WWOX: variants seen among roughly 807,000 people sequenced by gnomAD.
WWOX encodes the protein WW domain containing oxidoreductase.
A neutral mutation model predicts 46.2 loss-of-function variants in WWOX; 69 were observed. That is an observed-to-expected ratio of 1.49 (90% confidence interval 1.23 to 1.82). The LOEUF is 1.82. Ranked by LOEUF, WWOX falls within the 40% of genes most tolerant of loss-of-function variation. The pLI is 0.00. For synonymous variants in WWOX, 359 were observed against 202.6 expected (o/e 1.77, Z -6.56); for missense variants, 919 against 542.6 (o/e 1.69, Z -6.89).
chr16:79,096,123 C>G (rs893719736), intron 8 of WWOX, among the ~76,000 whole-genome samples: 1 of 149,668 alleles, frequency 6.7e-6, no homozygotes, highest in African/African-American at 2.5e-5. Flanking sequence ...CTGCCTCGGT[C>G]TCCCAAAGTG....
intron 8 of WWOX, among the ~76,000 whole-genome samples, chr16:78,965,189 C>G (rs894701177): frequency 6.6e-6 from 1 of 152,210 alleles, no homozygotes; most frequent in East Asian, 1.9e-4. Flanking sequence ...GCTCTTTAAA[C>G]CTCATATGTT....
Position 78,975,483 on chromosome 16 carries a change from C to A in WWOX, c.1057-236125C>A, listed in dbSNP as rs74032470. Among the ~76,000 whole-genome samples, 643 of 151,886 alleles carry A rather than the reference C, an allele frequency of 4.2e-3. 5 individuals carry two copies. The highest frequency in any genetic ancestry group is 0.014 in the African/African-American group (588 of 41,398). Reference sequence around the variant, plus strand: ...CTTTTTTTTTTTTTCATTATGGCCCCCTCCCCCAGGAGCCTTTTGAGATAC... The same window carrying A: ...CTTTTTTTTTTTTTCATTATGGCCCACTCCCCCAGGAGCCTTTTGAGATAC... On this transcript the variant is annotated intron_variant, in intron 8 of 8. Transcript: ENST00000566780.
At chr16:78,668,880 C>A (rs1473438247) in intron 8 of WWOX, among the ~76,000 whole-genome samples, 5 of 152,142 alleles carry the variant, frequency 3.3e-5, no homozygotes, top group Non-Finnish European at 5.9e-5. Context: ...AACTCCCTGG[C>A]AGGTTCTCTT....
intron 8 of WWOX, among the ~76,000 whole-genome samples, chr16:78,451,521 G>C (rs1191282321): frequency 6.6e-6 from 1 of 152,118 alleles, no homozygotes; most frequent in African/African-American, 2.4e-5. Context: ...AACCAGCCTG[G>C]AATGAATCCC....
At chr16:78,575,044 T>TTTAAAGATGTC (rs2044831683) in intron 8 of WWOX, among the ~76,000 whole-genome samples, 1 of 6,768 alleles carries the variant, frequency 1.5e-4, no homozygotes, top group Non-Finnish European at 2.8e-4. Context: ...TATATATATA[T>TTTAAAGATGTC]ATATATATAT....
At chr16:78,467,125 C>G (rs956556179) in intron 8 of WWOX, among the ~76,000 whole-genome samples, 1 of 152,202 alleles carries the variant, frequency 6.6e-6, no homozygotes, top group African/African-American at 2.4e-5. Context: ...AGTCTTTGAT[C>G]TTGTCATGAA....
chr16:78,486,394 C>G (rs143840127), intron 8 of WWOX, among the ~76,000 whole-genome samples: 8 of 152,150 alleles, frequency 5.3e-5, no homozygotes, highest in African/African-American at 1.9e-4. Flanking sequence ...GTATGTTTTA[C>G]CTTTTTAATA....
intron 8 of WWOX, among the ~76,000 whole-genome samples, chr16:79,210,565 C>T (rs1425950537): frequency 6.6e-6 from 1 of 152,144 alleles, no homozygotes; most frequent in African/African-American, 2.4e-5. Flanking sequence ...CTCTTGCAAC[C>T]CCTCTCCCTC....
intron 4 of WWOX, among the ~76,000 whole-genome samples, chr16:78,116,923 C>T (rs2032825840): frequency 6.6e-6 from 1 of 152,184 alleles, no homozygotes; most frequent in African/African-American, 2.4e-5. Flanking sequence ...ATAGCAGACT[C>T]TTGAATAGAG....
intron 8 of WWOX, among the ~76,000 whole-genome samples, chr16:78,834,890 A>T (rs2051935228): frequency 1.3e-5 from 2 of 152,154 alleles, no homozygotes; most frequent in South Asian, 4.1e-4. Flanking sequence ...ACTGTTTGTA[A>T]TAATCATGCG....
intron 8 of WWOX, among the ~76,000 whole-genome samples, chr16:78,822,710 A>C (rs1239667216): frequency 6.6e-6 from 1 of 152,192 alleles, no homozygotes; most frequent in Non-Finnish European, 1.5e-5. Context: ...ATGCAACATC[A>C]TCATTGTTGA....
At chr16:78,199,152 A>G (rs950976993) in intron 5 of WWOX, among the ~76,000 whole-genome samples, 3 of 152,116 alleles carry the variant, frequency 2.0e-5, no homozygotes, top group African/African-American at 7.2e-5. Flanking sequence ...TTTCTACTAA[A>G]AATACAAAAA....
chr16:78,939,934 C>G lies in WWOX; in HGVS notation c.1057-271674C>G, dbSNP rs138751346. ...GAAGGCCCAAGTTTACCCAATTCGA[C>G]TGCCCCCACCCAGATAGAATATTCA... is the stretch of plus-strand genomic sequence containing the variant. On this transcript the variant is annotated intron_variant, in intron 8 of 8. Transcript: ENST00000566780. Among the ~76,000 whole-genome samples, 5 of 152,366 alleles carry G rather than the reference C, an allele frequency of 3.3e-5. No homozygotes were observed. The East Asian group carries it at 7.7e-4, about 24-fold the overall frequency.
At chr16:78,632,223 C>G (rs1030887077) in intron 8 of WWOX, among the ~76,000 whole-genome samples, 1 of 152,112 alleles carries the variant, frequency 6.6e-6, no homozygotes. Flanking sequence ...GTTTTTATAT[C>G]TGTACAATGG....
chr16:78,100,027 G>C (rs2151652341), intron 1 of WWOX, 142 bp downstream of exon 1: 1 of 1,451,136 alleles, frequency 6.9e-7, no homozygotes, highest in Non-Finnish European at 9.1e-7. Context: ...TCAGGGAAAA[G>C]GGTCCAGGGT....
intron 8 of WWOX, among the ~76,000 whole-genome samples, chr16:78,871,276 C>G (rs1040327495): frequency 1.8e-4 from 27 of 151,262 alleles, no homozygotes; most frequent in African/African-American, 5.8e-4. Flanking sequence ...CGTCCTTATT[C>G]TTATAACCTG....
chr16:78,793,005 A>T lies in WWOX; in HGVS notation c.1056+360253A>T, dbSNP rs1333987289. On this transcript the variant is annotated intron_variant, in intron 8 of 8. Coordinates refer to ENST00000566780, the MANE Select transcript of WWOX (RefSeq NM_016373.4). Reference sequence around the variant, plus strand: ...CTCAAGTGATACCATTAAGTCCCTTAAGATGCGGAATTTCCTTGCCCCCGC... The same window carrying T: ...CTCAAGTGATACCATTAAGTCCCTTTAGATGCGGAATTTCCTTGCCCCCGC... Among the ~76,000 whole-genome samples, 3 of 152,320 alleles carry T rather than the reference A, an allele frequency of 2.0e-5. No homozygotes were observed. In the East Asian group the frequency reaches 5.8e-4, roughly 29 times the overall value.
intron 4 of WWOX, among the ~76,000 whole-genome samples, chr16:78,151,871 C>A (rs994178991): frequency 6.6e-6 from 1 of 152,130 alleles, no homozygotes; most frequent in Non-Finnish European, 1.5e-5. Context: ...GCACGCTGTT[C>A]GGTACTTTGA....
intron 8 of WWOX, among the ~76,000 whole-genome samples, chr16:78,448,400 G>C (rs74030267): frequency 0.016 from 2,404 of 152,190 alleles, 63 homozygotes; most frequent in African/African-American, 0.055. Flanking sequence ...TTGTAGATTA[G>C]GAACCAGCCA....
Sources: gnomAD v4.1 joint callset for allele counts (sites outside exome capture counted in the v4.1 genomes callset) on GRCh38, gnomAD v4.1.1 for gene constraint, MANE v1.5 for transcripts, NCBI Gene and HGNC (gene_info 2026-07-23, HGNC 2026-07-21) for gene names.